Variants in BMP8B observed in about 807,000 individuals in gnomAD.
BMP8B encodes bone morphogenetic protein 8 (osteogenic protein 2).
BMP8B carries 17 observed loss-of-function variants against 30.3 expected under a neutral mutation model. The ratio of observed to expected loss-of-function variants is 0.56; its 90% CI spans 0.38 to 0.84. The LOEUF is 0.84. Among genes scored for constraint, BMP8B ranks in the 40% least tolerant of loss-of-function variants. BMP8B has a pLI of 0.00. For synonymous variants in BMP8B, 131 were observed against 214.7 expected, an observed-to-expected ratio of 0.61 and a Z score of 3.41; for missense variants, 253 against 494.6, an observed-to-expected ratio of 0.51 and a Z score of 4.63.
At chr1:39,779,306 A>G (rs1237785048) in intron 1 of BMP8B, among the ~76,000 whole-genome samples, 1 of 152,048 alleles carries the variant, frequency 6.6e-6, no homozygotes, top group Non-Finnish European at 1.5e-5. Context: ...CCACCTGACC[A>G]GACCCAGGCT....
intron 5 of BMP8B, among the ~76,000 whole-genome samples, 196 bp from the exon 6 acceptor site, chr1:39,763,398 C>CGGCCCTCCCCAGCT (rs1553127316): frequency 1.4e-5 from 2 of 145,154 alleles, no homozygotes; most frequent in Non-Finnish European, 3.1e-5. Flanking sequence ...CCTCCCCAGC[C>CGGCCCTCCCCAGCT]GGCCCTCCCC....
intron 6 of BMP8B, among the ~76,000 whole-genome samples, chr1:39,761,736 A>T (rs982528941): frequency 1.3e-4 from 20 of 152,186 alleles, no homozygotes; most frequent in African/African-American, 4.8e-4. Flanking sequence ...CCAGCTGCTG[A>T]CTGGCCCCCT....
At position 39,762,071 on chromosome 1, in the gene BMP8B, C is replaced by T. The variant is rs60529985; in HGVS notation, c.1059+1021G>A. Among the ~76,000 whole-genome samples the T allele has an allele frequency of 5.1e-3, 776 of 152,322 alleles. 13 individuals are homozygous for T. Among genetic ancestry groups the T allele is most frequent in the African/African-American group, 0.018 (735 of 41,562 alleles). On this transcript the variant is annotated intron_variant, in intron 6 of 6. Transcript: ENST00000372827. ...GGTGGCTGGGCTGGGCCGCCCCACG[C>T]GTCCTCATCATCCCTGGGCCTTTCC...
chr1:39,762,710 C>T (rs1649163780), intron 6 of BMP8B: 4 of 1,463,252 alleles, frequency 2.7e-6, no homozygotes, highest in South Asian at 1.4e-5. Flanking sequence ...GGCGGTCAGA[C>T]TTGCCAGCGT....
At position 39,757,935 on chromosome 1, in the gene BMP8B, G is replaced by GT. The variant is rs1190832481; in HGVS notation, c.*2483dup. On this transcript the variant is annotated 3_prime_UTR_variant, in exon 7 of 7. Coordinates refer to ENST00000372827, the MANE Select transcript of BMP8B (RefSeq NM_001720.5). The stretch of plus-strand genomic sequence containing the variant: ...GCCAACTAGGTAGACAAAGCCTTAT[G>GT]TTTTTCCATTGTTCTGTATGAACCA... The GT allele has an allele frequency of 6.6e-6, 1 of 152,210 alleles. No individual in the cohort carries two copies. The highest frequency in any genetic ancestry group is 6.5e-5 in the Admixed American group (1 of 15,282). The allele number at this position is 152,210 out of a possible 1,614,324, so 9.4% of individuals were successfully genotyped here. A position where few individuals can be genotyped will look rare whatever the true frequency, so the allele number is the denominator to read the frequency against.
chr1:39,760,648 A>G, intron 6 of BMP8B, 80 bp from the exon 7 acceptor site: 1 of 1,492,154 alleles, frequency 6.7e-7, no homozygotes, highest in Non-Finnish European at 8.9e-7. Context: ...CCCCAGCTCC[A>G]CCTGCTCCCT....
Position 39,760,256 on chromosome 1 carries a change from G to T in BMP8B, c.*163C>A. 1.7e-6 allele frequency: 2 copies of T among 1,182,602 alleles called. No homozygotes were observed. Among genetic ancestry groups the T allele is most frequent in the Non-Finnish European group, 2.3e-6 (2 of 860,716 alleles). 73.3% of individuals were successfully genotyped at this position (1,182,602 alleles called of 1,614,324 possible). On this transcript the variant is annotated 3_prime_UTR_variant, in exon 7 of 7. Coordinates refer to ENST00000372827, the MANE Select transcript of BMP8B (RefSeq NM_001720.5). Reference sequence around the variant, plus strand: ...ACAAATGCCTGGCAGGGCAAGGGGAGCATAGGAGCCTGGCATGAAGGAGAA... The same window carrying T: ...ACAAATGCCTGGCAGGGCAAGGGGATCATAGGAGCCTGGCATGAAGGAGAA...
At chr1:39,761,633 A>G (rs1004999581) in intron 6 of BMP8B, among the ~76,000 whole-genome samples, 2 of 151,580 alleles carry the variant, frequency 1.3e-5, no homozygotes, top group African/African-American at 4.9e-5. Context: ...CACTCACTGC[A>G]CCCAGCCCCT....
At chr1:39,786,617 G>C (rs969389905) in intron 1 of BMP8B, among the ~76,000 whole-genome samples, 1 of 152,122 alleles carries the variant, frequency 6.6e-6, no homozygotes, top group African/African-American at 2.4e-5. Flanking sequence ...GGCTCCCTGG[G>C]GACATTCTTG....
intron 3 of BMP8B, chr1:39,769,916 G>C (rs1193041955): frequency 1.9e-6 from 3 of 1,604,028 alleles, no homozygotes; most frequent in African/African-American, 2.7e-5. Context: ...CATGATCTTG[G>C]GGGTGTTGTC....
At chr1:39,780,900 C>T (rs1194122649) in intron 1 of BMP8B, among the ~76,000 whole-genome samples, 4 of 152,134 alleles carry the variant, frequency 2.6e-5, no homozygotes, top group African/African-American at 7.2e-5. Context: ...CATCTCCAGC[C>T]GGGAGCCATG....
At chr1:39,785,477 C>T (rs1458148177) in intron 1 of BMP8B, among the ~76,000 whole-genome samples, 8 of 152,214 alleles carry the variant, frequency 5.3e-5, no homozygotes, top group Non-Finnish European at 1.0e-4. Context: ...AGCACCTGCT[C>T]TGCACGGAGA....
intron 3 of BMP8B, chr1:39,771,386 A>G (rs1444360696): frequency 2.2e-5 from 19 of 859,278 alleles, no homozygotes; most frequent in Non-Finnish European, 2.7e-5. Context: ...GGCCAGGCGC[A>G]GGCTCTAGGC....
In BMP8B at chr1:39,757,880, T is replaced by G. The variant is rs900075889; in HGVS notation, c.*2539A>C. On this transcript the variant is annotated 3_prime_UTR_variant, in exon 7 of 7. Coordinates refer to ENST00000372827, the MANE Select transcript of BMP8B (RefSeq NM_001720.5). ...TATTTTATTTCATTTGGTGACTATC[T>G]GGATGATAAAAGTTGCTGAAAGTCT... The G allele has an allele frequency of 2.6e-5, 4 of 152,262 alleles. No individual in the cohort carries two copies. The highest frequency in any genetic ancestry group is 9.6e-5 in the African/African-American group (4 of 41,464). 9.4% of individuals were successfully genotyped at this position (152,262 alleles called of 1,614,324 possible).
chr1:39,783,574 G>C (rs1650793407), intron 1 of BMP8B, among the ~76,000 whole-genome samples: 1 of 152,180 alleles, frequency 6.6e-6, no homozygotes, highest in Admixed American at 6.6e-5. Flanking sequence ...CAACAAAGTT[G>C]CAAAACAGTG....
At chr1:39,768,075 C>T (rs901645280) in intron 3 of BMP8B, among the ~76,000 whole-genome samples, 4 of 148,346 alleles carry the variant, frequency 2.7e-5, no homozygotes, top group African/African-American at 4.9e-5. Context: ...CGTGTGCACG[C>T]GTGCATGCAC....
In BMP8B at chr1:39,760,247, G is replaced by T; in HGVS notation, c.*172C>A. The T allele has an allele frequency of 8.9e-7, 1 of 1,120,684 alleles. No homozygotes were observed. The allele number at this position is 1,120,684 out of a possible 1,614,324, so 69.4% of individuals were successfully genotyped here. On this transcript the variant is annotated 3_prime_UTR_variant, in exon 7 of 7. Coordinates refer to ENST00000372827, the MANE Select transcript of BMP8B (RefSeq NM_001720.5). Reference sequence around the variant, plus strand: ...GACAGTCACACAAATGCCTGGCAGGGCAAGGGGAGCATAGGAGCCTGGCAT... The same window carrying T: ...GACAGTCACACAAATGCCTGGCAGGTCAAGGGGAGCATAGGAGCCTGGCAT...
chr1:39,786,777 G>A (rs1358268599), intron 1 of BMP8B, among the ~76,000 whole-genome samples: 3 of 152,196 alleles, frequency 2.0e-5, no homozygotes, highest in Non-Finnish European at 4.4e-5. Context: ...AGATCCCACC[G>A]GCTAGAGTCC....
At position 39,760,315 on chromosome 1, in the gene BMP8B, G is replaced by T; in HGVS notation, c.*104C>A. On this transcript the variant is annotated 3_prime_UTR_variant, in exon 7 of 7. Transcript: ENST00000372827. Reference sequence around the variant, plus strand: ...GTACGTGGTTGTGAGGGTCCTCCCTGGCAATGCCCCGGCCTGGGGTCTGGC... The same window carrying T: ...GTACGTGGTTGTGAGGGTCCTCCCTTGCAATGCCCCGGCCTGGGGTCTGGC... 7 of 1,535,392 alleles carry T rather than the reference G, an allele frequency of 4.6e-6. No homozygotes were observed. Among genetic ancestry groups the T allele is most frequent in the Non-Finnish European group, 6.1e-6 (7 of 1,138,300 alleles).
Sources: gnomAD v4.1 joint callset for allele counts (sites outside exome capture counted in the v4.1 genomes callset) on GRCh38, gnomAD v4.1.1 for gene constraint, MANE v1.5 for transcripts, NCBI Gene and HGNC (gene_info 2026-07-23, HGNC 2026-07-21) for gene names.